The following KLHL8 variants were observed in gnomAD, a reference collection of about 807,000 sequenced individuals.
KLHL8 encodes kelch like family member 8.
KLHL8 carries 38 observed loss-of-function variants against 63.5 expected under a neutral mutation model. The ratio of observed to expected loss-of-function variants is 0.60; its 90% CI spans 0.46 to 0.78. The LOEUF (loss-of-function observed/expected upper bound fraction) is 0.78. KLHL8 is among the 30% of genes least tolerant of loss of function. The pLI is 0.00. For missense variants in KLHL8, 566 were observed against 752.4 expected (o/e 0.75, Z 2.90); for synonymous variants, 224 against 254.3 (o/e 0.88, Z 1.13).
chr4:87,175,950 TA>T (rs1730802802), intron 6 of KLHL8, among the ~76,000 whole-genome samples: 1 of 152,202 alleles, frequency 6.6e-6, no homozygotes, highest in African/African-American at 2.4e-5. Context: ...ACTTTTCTAA[TA>T]AGATCAGGAA....
intron 8 of KLHL8, among the ~76,000 whole-genome samples, chr4:87,169,355 T>C (rs1023648616): frequency 3.9e-5 from 6 of 152,182 alleles, no homozygotes; most frequent in African/African-American, 1.4e-4. Context: ...TTCAACATAA[T>C]TTCCCTTGAA....
Position 87,185,796 on chromosome 4 carries a change from C to A in KLHL8, c.220G>T (p.Gly74Cys). Residue 74 changes from glycine to cysteine, a missense_variant, in exon 3 of 10, where the codon GGC becomes TGC. Coordinates refer to ENST00000273963, the MANE Select transcript of KLHL8 (RefSeq NM_020803.5). ...GELCDVTLKV[G>C]SKLISCHKLV... ...TTGTGACAAGAGATTAGCTTTGAGC[C>A]AACCTGTTCAAAAGAAACCAAGAAA... 6.3e-7 allele frequency: 1 copy of A among 1,590,230 alleles called. No homozygotes were observed. Among genetic ancestry groups the A allele is most frequent in the African/African-American group, 1.4e-5 (1 of 73,746 alleles).
At chr4:87,234,303 G>T (rs1313265287) in intron 1 of KLHL8, among the ~76,000 whole-genome samples, 1 of 152,150 alleles carries the variant, frequency 6.6e-6, no homozygotes, top group African/African-American at 2.4e-5. Flanking sequence ...GCTGGGCGTG[G>T]TGGTGCACAC....
intron 1 of KLHL8, chr4:87,207,808 G>C (rs963694181): frequency 3.9e-6 from 4 of 1,033,302 alleles, no homozygotes; most frequent in Non-Finnish European, 4.5e-6. Flanking sequence ...CAAGGTGTCG[G>C]TCATTAACCT....
At chr4:87,199,654 T>TA (rs35355359) in intron 1 of KLHL8, among the ~76,000 whole-genome samples, 109 of 66,526 alleles carry the variant, frequency 1.6e-3, no homozygotes, top group African/African-American at 2.9e-3. Flanking sequence ...ACAACTCAAT[T>TA]AAAAAAAAAA....
chr4:87,234,820 C>G (rs1232107664), intron 1 of KLHL8, among the ~76,000 whole-genome samples: 2 of 152,126 alleles, frequency 1.3e-5, no homozygotes, highest in Admixed American at 6.6e-5. Context: ...GGAAGACTTT[C>G]CCAGTGGGGC....
chr4:87,237,186 A>G (rs375238426), intron 1 of KLHL8, among the ~76,000 whole-genome samples: 2 of 152,256 alleles, frequency 1.3e-5, no homozygotes, highest in African/African-American at 4.8e-5. Flanking sequence ...AGAACTCCCA[A>G]TCCAACTGTC....
At chr4:87,185,171 C>T in intron 3 of KLHL8, 80 bp downstream of exon 3, 1 of 1,289,114 alleles carries the variant, frequency 7.8e-7, no homozygotes, top group Non-Finnish European at 1.1e-6. Flanking sequence ...AAATAATCTA[C>T]ACTTTTCCTA....
chr4:87,214,116 T>C (rs1158749262), intron 1 of KLHL8, among the ~76,000 whole-genome samples: 3 of 152,024 alleles, frequency 2.0e-5, no homozygotes, highest in African/African-American at 7.2e-5. Flanking sequence ...CAACATTTTT[T>C]CCAGCAAAGA....
Position 87,183,399 on chromosome 4 carries a change from T to C in KLHL8, c.766-10A>G, listed in dbSNP as rs1166340286. On this transcript the variant is annotated splice_polypyrimidine_tract_variant and intron_variant, in intron 3 of 9. Coordinates refer to ENST00000273963, the MANE Select transcript of KLHL8 (RefSeq NM_020803.5). The stretch of plus-strand genomic sequence containing the variant: ...ACAATGGCAGGCGAACCTAAGATCA[T>C]GAATAGTTGCAATACAACAAATTTT... The C allele has an allele frequency of 1.9e-6, 3 of 1,569,820 alleles. No homozygotes were observed. The African/African-American group carries it at 4.1e-5, about 21-fold the overall frequency.
chr4:87,192,080 A>G lies in KLHL8; in HGVS notation c.216+3244T>C, dbSNP rs115927086. Among the ~76,000 whole-genome samples, 798 of 152,272 alleles carry G rather than the reference A, an allele frequency of 5.2e-3. 9 individuals are homozygous for G. Among genetic ancestry groups the G allele is most frequent in the African/African-American group, 0.018 (763 of 41,552 alleles). Reference sequence around the variant, plus strand: ...ATAGCACTGCAATGAACATGCGGGTATATGTGTCTTTTTGATAGAATGATT... The same window carrying G: ...ATAGCACTGCAATGAACATGCGGGTGTATGTGTCTTTTTGATAGAATGATT... On this transcript the variant is annotated intron_variant, in intron 2 of 9. Transcript: ENST00000273963.
intron 1 of KLHL8, among the ~76,000 whole-genome samples, chr4:87,202,218 A>T (rs754170246): frequency 1.3e-5 from 2 of 152,336 alleles, no homozygotes; most frequent in Non-Finnish European, 2.9e-5. Flanking sequence ...AATAAACAGC[A>T]CAAACAAAAT....
In KLHL8 at chr4:87,160,544, G is replaced by C. The variant is rs1730117957; in HGVS notation, c.*2975C>G. 6.6e-6 allele frequency: 1 copy of C among 152,122 alleles called. No homozygotes were observed. Among genetic ancestry groups the C allele is most frequent in the South Asian group, 2.1e-4 (1 of 4,832 alleles). 9.4% of individuals were successfully genotyped at this position (152,122 alleles called of 1,614,324 possible). A position where few individuals can be genotyped will look rare whatever the true frequency, so the allele number is the denominator to read the frequency against. On this transcript the variant is annotated 3_prime_UTR_variant, in exon 10 of 10. Coordinates refer to ENST00000273963, the MANE Select transcript of KLHL8 (RefSeq NM_020803.5). ...CACTGTAAGTTCAAAGTTCATTTGGGAATTAAAAGAATGAATAAAATACTC... is the reference window on the plus strand; with the variant it reads ...CACTGTAAGTTCAAAGTTCATTTGGCAATTAAAAGAATGAATAAAATACTC...
At position 87,216,611 on chromosome 4, in the gene KLHL8, T is replaced by C. The variant is rs551982270; in HGVS notation, c.-152+3807A>G. Among the ~76,000 whole-genome samples, 63 of 151,928 alleles carry C rather than the reference T, an allele frequency of 4.1e-4. 1 individual carries two copies. The highest frequency in any genetic ancestry group is 8.4e-4 in the Non-Finnish European group (57 of 67,948). On this transcript the variant is annotated intron_variant, in intron 1 of 9. Coordinates refer to ENST00000273963, the MANE Select transcript of KLHL8 (RefSeq NM_020803.5). ...CACGCTAACAGATTCAGGTTAAGAG[T>C]CAGAGAGATGAAGTAGAAAATTTCC... is the stretch of plus-strand genomic sequence containing the variant.
Position 87,160,113 on chromosome 4 carries a change from T to C in KLHL8, c.*3406A>G, listed in dbSNP as rs974174057. ...CCTTTTAGAGAGAAGTTTGTGCTAA[T>C]AGAAATATGCAATGTATTTTAATTA... On this transcript the variant is annotated 3_prime_UTR_variant, in exon 10 of 10. Transcript: ENST00000273963. The C allele has an allele frequency of 5.3e-5, 8 of 152,182 alleles. No individual in the cohort carries two copies. Among genetic ancestry groups the C allele is most frequent in the South Asian group, 2.1e-4 (1 of 4,830 alleles). 9.4% of individuals were successfully genotyped at this position (152,182 alleles called of 1,614,324 possible). A position where few individuals can be genotyped will look rare whatever the true frequency, so the allele number is the denominator to read the frequency against.
intron 8 of KLHL8, among the ~76,000 whole-genome samples, chr4:87,165,001 T>C (rs577476325): frequency 6.6e-6 from 1 of 151,698 alleles, no homozygotes; most frequent in African/African-American, 2.4e-5. Flanking sequence ...ACAAAAAAAT[T>C]AGCTGGGCAT....
At chr4:87,214,774 T>A (rs909610006) in intron 1 of KLHL8, among the ~76,000 whole-genome samples, 1 of 150,392 alleles carries the variant, frequency 6.6e-6, no homozygotes, top group Non-Finnish European at 1.5e-5. Flanking sequence ...AGGAAATGTT[T>A]CAGGAATTTT....
At chr4:87,230,077 T>G (rs1298192615) in intron 1 of KLHL8, among the ~76,000 whole-genome samples, 2 of 152,012 alleles carry the variant, frequency 1.3e-5, no homozygotes, top group Admixed American at 6.5e-5. Context: ...GAGAGTTTAG[T>G]AAAGGTGTGG....
chr4:87,238,165 A>G (rs1733267224), intron 1 of KLHL8, among the ~76,000 whole-genome samples: 1 of 152,092 alleles, frequency 6.6e-6, no homozygotes, highest in South Asian at 2.1e-4. Flanking sequence ...CAAACTCGTG[A>G]TCTCATGATC....
Sources: gnomAD v4.1 joint callset for allele counts (sites outside exome capture counted in the v4.1 genomes callset) on GRCh38, gnomAD v4.1.1 for gene constraint, MANE v1.5 for transcripts, NCBI Gene and HGNC (gene_info 2026-07-23, HGNC 2026-07-21) for gene names.